The following LUZP2 variants were observed in gnomAD, a reference collection of about 807,000 sequenced individuals.
LUZP2 encodes the protein leucine zipper protein 2.
A neutral mutation model predicts 51.6 loss-of-function variants in LUZP2; 52 were observed. The ratio of observed to expected loss-of-function variants is 1.01; its 90% CI spans 0.81 to 1.27. The LOEUF (loss-of-function observed/expected upper bound fraction) is 1.27. Ranked by LOEUF, LUZP2 falls within the 50% of genes most tolerant of loss-of-function variation. The pLI, the probability that LUZP2 is intolerant of heterozygous loss-of-function variation, is 0.00. For missense variants in LUZP2, 436 were observed against 395.4 expected (o/e 1.10, Z -0.87); for synonymous variants, 154 against 137.3 (o/e 1.12, Z -0.85).
At chr11:24,851,237 T>C (rs1851385006) in intron 5 of LUZP2, among the ~76,000 whole-genome samples, 1 of 152,244 alleles carries the variant, frequency 6.6e-6, no homozygotes, top group African/African-American at 2.4e-5. Context: ...CATTATGGTA[T>C]TGGCTGTGGG....
intron 9 of LUZP2, among the ~76,000 whole-genome samples, chr11:25,006,809 A>T (rs545377908): frequency 6.6e-6 from 1 of 152,168 alleles, no homozygotes; most frequent in Non-Finnish European, 1.5e-5. Context: ...GTTACAGCTC[A>T]TAAAGGTAGT....
intron 1 of LUZP2, chr11:24,646,689 C>T (rs1224443676): frequency 2.8e-6 from 2 of 707,442 alleles, no homozygotes; most frequent in Non-Finnish European, 3.5e-6. Context: ...AAGACTGTTG[C>T]TGATGTCTCA....
chr11:24,925,448 A>G (rs1854197535), intron 7 of LUZP2, among the ~76,000 whole-genome samples: 1 of 152,218 alleles, frequency 6.6e-6, no homozygotes, highest in Non-Finnish European at 1.5e-5. Flanking sequence ...AATTCTGTGC[A>G]TAAGAAACAA....
At chr11:25,049,144 T>C (rs561300165) in intron 9 of LUZP2, among the ~76,000 whole-genome samples, 12 of 152,312 alleles carry the variant, frequency 7.9e-5, no homozygotes, top group Non-Finnish European at 1.3e-4. Context: ...GACTACTCTC[T>C]CCAGACCCTG....
At chr11:25,017,196 G>A (rs1448499065) in intron 9 of LUZP2, among the ~76,000 whole-genome samples, 2 of 152,082 alleles carry the variant, frequency 1.3e-5, no homozygotes, top group Non-Finnish European at 2.9e-5. Context: ...GGCATAGTTT[G>A]CAAATATTTC....
chr11:25,029,759 T>G (rs1857592360), intron 9 of LUZP2, among the ~76,000 whole-genome samples: 1 of 148,444 alleles, frequency 6.7e-6, no homozygotes, highest in African/African-American at 2.5e-5. Flanking sequence ...AAAAGTATAA[T>G]TATTTCAAGA....
At chr11:24,577,453 T>C (rs968145359) in intron 1 of LUZP2, among the ~76,000 whole-genome samples, 1 of 152,170 alleles carries the variant, frequency 6.6e-6, no homozygotes, top group African/African-American at 2.4e-5. Context: ...AGGCATAACA[T>C]GCCTTGTAAA....
intron 5 of LUZP2, among the ~76,000 whole-genome samples, chr11:24,834,175 C>T (rs952323460): frequency 1.3e-5 from 2 of 151,980 alleles, no homozygotes; most frequent in African/African-American, 4.8e-5. Context: ...TTTGCTGCAC[C>T]TATCAACCTG....
At chr11:24,618,546 T>C (rs979633730) in intron 1 of LUZP2, among the ~76,000 whole-genome samples, 1 of 152,218 alleles carries the variant, frequency 6.6e-6, no homozygotes, top group Non-Finnish European at 1.5e-5. Flanking sequence ...AATCCTTTGA[T>C]AAGAGACAAC....
intron 7 of LUZP2, among the ~76,000 whole-genome samples, chr11:24,957,543 ACT>A (rs1232220057): frequency 1.3e-5 from 2 of 151,840 alleles, no homozygotes; most frequent in African/African-American, 4.8e-5. Flanking sequence ...CCACCGTCCA[ACT>A]CTCTGCTTTG....
chr11:24,571,989 A>T (rs1852459005), intron 1 of LUZP2, among the ~76,000 whole-genome samples: 2 of 152,000 alleles, frequency 1.3e-5, no homozygotes, highest in Admixed American at 6.6e-5. Context: ...TTATGCTAAT[A>T]AGCAAGAAAA....
chr11:24,962,302 A>C (rs565968052), intron 7 of LUZP2, among the ~76,000 whole-genome samples: 1 of 152,262 alleles, frequency 6.6e-6, no homozygotes, highest in African/African-American at 2.4e-5. Flanking sequence ...CCGAATCTGA[A>C]TGTTGGCCTG....
At position 24,497,193 on chromosome 11, in the gene LUZP2, A is replaced by AAGAG. The variant is rs780560411; in HGVS notation, c.-41_-38dup. 1.4e-6 allele frequency: 2 copies of AAGAG among 1,476,406 alleles called. No homozygotes were observed. Among genetic ancestry groups the AAGAG allele is most frequent in the Non-Finnish European group, 1.8e-6 (2 of 1,094,474 alleles). 91.5% of individuals were successfully genotyped at this position (1,476,406 alleles called of 1,614,324 possible). On this transcript the variant is annotated 5_prime_UTR_variant, in exon 1 of 12. Coordinates refer to ENST00000336930, the MANE Select transcript of LUZP2 (RefSeq NM_001009909.4). The stretch of plus-strand genomic sequence containing the variant: ...GGCACCAAGGAGCGACAGGATCCCG[A>AAGAG]AGAGAGAGAGAGAAGGCAGCGAGGG...
intron 5 of LUZP2, among the ~76,000 whole-genome samples, chr11:24,900,359 A>G (rs758828621): frequency 6.6e-6 from 1 of 152,082 alleles, no homozygotes; most frequent in Non-Finnish European, 1.5e-5. Context: ...TGGAAATTGA[A>G]TGTCTAGGTG....
chr11:24,874,915 C>G (rs1852196265), intron 5 of LUZP2, among the ~76,000 whole-genome samples: 1 of 152,052 alleles, frequency 6.6e-6, no homozygotes, highest in Non-Finnish European at 1.5e-5. Context: ...GCTCTTCTCT[C>G]TATTCTAAAA....
chr11:24,787,004 A>G (rs1484397870), intron 5 of LUZP2, among the ~76,000 whole-genome samples: 2 of 152,160 alleles, frequency 1.3e-5, no homozygotes, highest in African/African-American at 4.8e-5. Flanking sequence ...TATCAATTCA[A>G]TTGAGGAATG....
chr11:24,699,638 G>A (rs999985352), intron 1 of LUZP2, among the ~76,000 whole-genome samples: 1 of 147,904 alleles, frequency 6.8e-6, no homozygotes, highest in Non-Finnish European at 1.5e-5. Flanking sequence ...ATGGAGCTAA[G>A]AACAATAGCC....
At chr11:24,784,957 G>A (rs1849200642) in intron 5 of LUZP2, among the ~76,000 whole-genome samples, 1 of 151,782 alleles carries the variant, frequency 6.6e-6, no homozygotes, top group African/African-American at 2.4e-5. Flanking sequence ...AATTCACTTG[G>A]GATTAGCCTT....
At chr11:24,986,656 A>T (rs1357025325) in intron 9 of LUZP2, among the ~76,000 whole-genome samples, 3 of 151,654 alleles carry the variant, frequency 2.0e-5, no homozygotes, top group African/African-American at 7.3e-5. Flanking sequence ...GTAGAGCTAG[A>T]TGCACAGTAG....
Sources: gnomAD v4.1 joint callset for allele counts (sites outside exome capture counted in the v4.1 genomes callset) on GRCh38, gnomAD v4.1.1 for gene constraint, MANE v1.5 for transcripts, NCBI Gene and HGNC (gene_info 2026-07-23, HGNC 2026-07-21) for gene names.